The following NKAIN2 variants were observed in gnomAD, a reference collection of about 807,000 sequenced individuals.
NKAIN2 encodes the protein sodium/potassium transporting ATPase interacting 2, also known as sodium/potassium-transporting ATPase subunit beta-1-interacting protein 2.
Under a neutral mutation model 32.6 loss-of-function variants are expected in NKAIN2, and 14 were observed. The observed-to-expected ratio is 0.43, with a 90% confidence interval of 0.28 to 0.67. NKAIN2 has a LOEUF of 0.67. Ranked by LOEUF, NKAIN2 falls within the 30% of genes least tolerant of loss-of-function variation. The pLI is 0.17. For synonymous variants in NKAIN2, 80 were observed against 87.2 expected, an observed-to-expected ratio of 0.92 and a Z score of 0.46; for missense variants, 198 against 258.3, an observed-to-expected ratio of 0.77 and a Z score of 1.60.
chr6:124,743,980 C>T (rs1193185946), intron 4 of NKAIN2, among the ~76,000 whole-genome samples: 1 of 151,736 alleles, frequency 6.6e-6, no homozygotes. Flanking sequence ...AAAATAAAAA[C>T]TACCCAGTAG....
In NKAIN2 at chr6:123,818,036, C is replaced by A. The variant is rs141684102; in HGVS notation, c.54+13782C>A. Among the ~76,000 whole-genome samples, 533 of 152,156 alleles carry A rather than the reference C, an allele frequency of 3.5e-3. 1 individual carries two copies. Among genetic ancestry groups the A allele is most frequent in the African/African-American group, 0.011 (466 of 41,524 alleles). ...AGTGAATGTCACCTTTCTTTTAGTG[C>A]CAGTAAAAACCGCTGATGAATATTT... On this transcript the variant is annotated intron_variant, in intron 1 of 6. Coordinates refer to ENST00000368417, the MANE Select transcript of NKAIN2 (RefSeq NM_001040214.3).
At chr6:124,288,000 T>G in intron 2 of NKAIN2, among the ~76,000 whole-genome samples, 1 of 151,782 alleles carries the variant, frequency 6.6e-6, no homozygotes, top group East Asian at 1.9e-4. Context: ...TCTTCCAAAC[T>G]CAGTCTCCAA....
At chr6:124,735,077 G>GA (rs1209819325) in intron 4 of NKAIN2, among the ~76,000 whole-genome samples, 3 of 151,706 alleles carry the variant, frequency 2.0e-5, no homozygotes, top group Non-Finnish European at 4.4e-5. Flanking sequence ...AAAAATATGA[G>GA]AAAAAAATTT....
intron 3 of NKAIN2, among the ~76,000 whole-genome samples, chr6:124,439,820 G>T (rs1166564456): frequency 6.6e-6 from 1 of 151,904 alleles, no homozygotes; most frequent in Non-Finnish European, 1.5e-5. Flanking sequence ...GAGAAAATAT[G>T]ATATTTCTTC....
At chr6:123,837,100 C>T (rs565522743) in intron 1 of NKAIN2, among the ~76,000 whole-genome samples, 1 of 151,986 alleles carries the variant, frequency 6.6e-6, no homozygotes, top group Admixed American at 6.6e-5. Flanking sequence ...TTTTGTTTTA[C>T]CATCCAGGAA....
intron 2 of NKAIN2, among the ~76,000 whole-genome samples, chr6:124,298,619 C>T (rs1796162709): frequency 1.3e-5 from 2 of 152,136 alleles, no homozygotes; most frequent in Non-Finnish European, 2.9e-5. Context: ...ATGCCACACA[C>T]ATTCATCTGG....
chr6:123,825,104 G>A (rs1168694218), intron 1 of NKAIN2, among the ~76,000 whole-genome samples: 1 of 152,122 alleles, frequency 6.6e-6, no homozygotes, highest in Non-Finnish European at 1.5e-5. Flanking sequence ...GTGCCTTCAT[G>A]TGGTGGAAGA....
intron 2 of NKAIN2, among the ~76,000 whole-genome samples, chr6:124,333,764 T>C (rs1797759448): frequency 6.6e-6 from 1 of 152,166 alleles, no homozygotes; most frequent in African/African-American, 2.4e-5. Context: ...TTATTTGTAG[T>C]TCAAAGCTTG....
At chr6:124,532,080 C>T (rs559577606) in intron 3 of NKAIN2, among the ~76,000 whole-genome samples, 98 of 152,280 alleles carry the variant, frequency 6.4e-4, no homozygotes, top group African/African-American at 2.0e-3. Context: ...AGGATGTAAA[C>T]GTTGGGGTGC....
At chr6:124,394,981 G>C (rs1773314623) in intron 3 of NKAIN2, among the ~76,000 whole-genome samples, 1 of 152,100 alleles carries the variant, frequency 6.6e-6, no homozygotes, top group Non-Finnish European at 1.5e-5. Context: ...ATATGGGCTT[G>C]GACTTCCTGA....
intron 4 of NKAIN2, among the ~76,000 whole-genome samples, chr6:124,753,720 G>A (rs1233011769): frequency 6.6e-6 from 1 of 152,078 alleles, no homozygotes; most frequent in Non-Finnish European, 1.5e-5. Flanking sequence ...AGAATGAGGA[G>A]TCTCTGAAGA....
chr6:124,437,042 G>A (rs1775477614), intron 3 of NKAIN2, among the ~76,000 whole-genome samples: 1 of 152,058 alleles, frequency 6.6e-6, no homozygotes, highest in South Asian at 2.1e-4. Context: ...CCTTTCCTCT[G>A]GAACATATGC....
intron 1 of NKAIN2, among the ~76,000 whole-genome samples, chr6:124,195,124 T>G (rs1475397582): frequency 6.6e-6 from 1 of 151,752 alleles, no homozygotes; most frequent in East Asian, 1.9e-4. Flanking sequence ...AATAAGTATT[T>G]TTATACTTAT....
chr6:124,640,109 A>T (rs1783929087), intron 3 of NKAIN2, among the ~76,000 whole-genome samples: 1 of 152,100 alleles, frequency 6.6e-6, no homozygotes, highest in Admixed American at 6.5e-5. Context: ...TCAACCGAAA[A>T]TAGAAGCAAA....
intron 1 of NKAIN2, among the ~76,000 whole-genome samples, chr6:123,874,731 T>C (rs1773087215): frequency 6.6e-6 from 1 of 151,968 alleles, no homozygotes; most frequent in African/African-American, 2.4e-5. Context: ...AATATTTTTA[T>C]CACTTCTTCT....
At chr6:124,755,861 T>G (rs1363744995) in intron 4 of NKAIN2, among the ~76,000 whole-genome samples, 1 of 152,144 alleles carries the variant, frequency 6.6e-6, no homozygotes, top group Non-Finnish European at 1.5e-5. Context: ...CCCCTGAACT[T>G]AAAATAATAG....
At chr6:124,817,233 A>AT (rs1274201870) in intron 5 of NKAIN2, among the ~76,000 whole-genome samples, 3 of 151,072 alleles carry the variant, frequency 2.0e-5, no homozygotes, top group Admixed American at 6.6e-5. Flanking sequence ...ACATTATGAG[A>AT]TTTTTTGGCA....
chr6:123,858,451 T>C (rs1582663534), intron 1 of NKAIN2, among the ~76,000 whole-genome samples: 1 of 152,162 alleles, frequency 6.6e-6, no homozygotes, highest in Admixed American at 6.6e-5. Context: ...AAACCTGTTT[T>C]ATAGATGAGG....
chr6:124,730,587 G>C (rs1399900573), intron 4 of NKAIN2, among the ~76,000 whole-genome samples: 21 of 139,228 alleles, frequency 1.5e-4, no homozygotes, highest in African/African-American at 5.3e-4. Flanking sequence ...TTAAATGTTA[G>C]ACCTAAAACC....
Sources: gnomAD v4.1 joint callset for allele counts (sites outside exome capture counted in the v4.1 genomes callset) on GRCh38, gnomAD v4.1.1 for gene constraint, MANE v1.5 for transcripts, NCBI Gene and HGNC (gene_info 2026-07-23, HGNC 2026-07-21) for gene names.